EIF4E2: variants seen among roughly 807,000 people sequenced by gnomAD.
EIF4E2 encodes eukaryotic translation initiation factor 4E family member 2.
In EIF4E2, 13 loss-of-function variants were observed where a neutral mutation model predicts 34.2. The ratio of observed to expected loss-of-function variants is 0.38; its 90% CI spans 0.25 to 0.60. The LOEUF is 0.60. Among genes scored for constraint, EIF4E2 ranks in the 20% least tolerant of loss-of-function variants. The probability of loss-of-function intolerance (pLI) is 0.62; values close to 1 mark genes in which losing one functional copy is unlikely to be tolerated. For synonymous variants in EIF4E2, 100 were observed against 106.6 expected, an observed-to-expected ratio of 0.94 and a Z score of 0.38; for missense variants, 222 against 315.1, an observed-to-expected ratio of 0.70 and a Z score of 2.24.
At chr2:232,574,354 C>G (rs1038356640) in intron 6 of EIF4E2, 13 of 1,550,270 alleles carry the variant, frequency 8.4e-6, no homozygotes, top group Non-Finnish European at 8.7e-6. Flanking sequence ...AGGGCCTTGT[C>G]TATCTTCTCT....
intron 3 of EIF4E2, among the ~76,000 whole-genome samples, chr2:232,559,680 A>C (rs1692651668): frequency 6.6e-6 from 1 of 152,124 alleles, no homozygotes; most frequent in Admixed American, 6.5e-5. Flanking sequence ...ACGGTGGCTC[A>C]TGCCTGTAAT....
downstream of EIF4E2, among the ~76,000 whole-genome samples, chr2:232,573,272 C>T (rs1693133977): frequency 6.6e-6 from 1 of 152,210 alleles, no homozygotes; most frequent in South Asian, 2.1e-4. Context: ...ATGGTTAACT[C>T]ATAAATGTAG....
At chr2:232,568,318 G>A (rs1693005598) in intron 6 of EIF4E2, 1 of 985,302 alleles carries the variant, frequency 1.0e-6, no homozygotes, top group Non-Finnish European at 1.2e-6. Context: ...CAGTTTTTAA[G>A]TGGGAACACT....
chr2:232,575,070 C>T (rs963634617), intron 6 of EIF4E2, among the ~76,000 whole-genome samples: 1 of 152,206 alleles, frequency 6.6e-6, no homozygotes, highest in Non-Finnish European at 1.5e-5. Flanking sequence ...TCTGCATGAG[C>T]TAGAGATGAC....
chr2:232,558,451 A>C (rs1303774378), intron 3 of EIF4E2: 1 of 152,710 alleles, frequency 6.5e-6, no homozygotes, highest in African/African-American at 2.4e-5. Flanking sequence ...CGCCCAGCTA[A>C]TTTTTGTATT....
At chr2:232,575,623 A>G (rs573847019) in intron 6 of EIF4E2, among the ~76,000 whole-genome samples, 1 of 152,310 alleles carries the variant, frequency 6.6e-6, no homozygotes, top group Admixed American at 6.5e-5. Context: ...ATGTGTGCAT[A>G]TATATAAGTG....
At chr2:232,572,627 G>A (rs1017291131), downstream of EIF4E2, among the ~76,000 whole-genome samples, 9 of 152,174 alleles carry the variant, frequency 5.9e-5, no homozygotes, top group African/African-American at 1.4e-4. Flanking sequence ...TCAGCCTCCC[G>A]AAGTGATTAC....
intron 3 of EIF4E2, among the ~76,000 whole-genome samples, chr2:232,559,266 T>C (rs1485958204): frequency 1.3e-5 from 2 of 151,108 alleles, no homozygotes; most frequent in African/African-American, 4.9e-5. Context: ...GCTAGATATA[T>C]TATATGGAAT....
At position 232,551,843 on chromosome 2, in the gene EIF4E2, A is replaced by T. The variant is rs145654321; in HGVS notation, c.20+1099A>T. ...GGGAATACTGGATTTCCAACACTCC[A>T]GGCAGGTAGGTCCTCAGGAATGTTT... On this transcript the variant is annotated intron_variant, in intron 1 of 6. Transcript: ENST00000258416. Among the ~76,000 whole-genome samples, 68 of 152,312 alleles carry T rather than the reference A, an allele frequency of 4.5e-4. 1 individual carries two copies. The East Asian group carries it at 9.3e-3, about 21-fold the overall frequency.
At chr2:232,555,786 T>G (rs182119294) in intron 1 of EIF4E2, among the ~76,000 whole-genome samples, 22 of 152,328 alleles carry the variant, frequency 1.4e-4, no homozygotes, top group African/African-American at 4.8e-4. Context: ...TTCTAGAGGA[T>G]CTTACATTTT....
Position 232,557,952 on chromosome 2 carries a change from C to G in EIF4E2, c.204C>G (p.Thr68=), listed in dbSNP as rs760669411. Residue 68 remains threonine (T), a synonymous_variant, in exon 3 of 7, where the codon ACC becomes ACG. Transcript: ENST00000258416. ...YNYTFWYSRR[T]PGRPTSSQSY... ...ACACTTTTTGGTACTCCAGGAGAAC[C>G]CCCGGCCGTCCCACGAGCTCACAGA... is the stretch of plus-strand genomic sequence containing the variant. 5 of 1,614,000 alleles carry G rather than the reference C, an allele frequency of 3.1e-6. No homozygotes were observed. The African/African-American group carries it at 4.0e-5, about 13-fold the overall frequency.
At chr2:232,568,390 T>C in intron 6 of EIF4E2, 2 of 985,428 alleles carry the variant, frequency 2.0e-6, no homozygotes, top group Non-Finnish European at 2.4e-6. Flanking sequence ...CGAACAGTTA[T>C]TAGCCAGCCA....
intron 6 of EIF4E2, among the ~76,000 whole-genome samples, chr2:232,580,262 T>G (rs746509840): frequency 3.3e-4 from 51 of 152,284 alleles, no homozygotes; most frequent in African/African-American, 9.9e-4. Context: ...TTGGTTGGTT[T>G]GTTGGTTGGT....
chr2:232,557,668 C>A, intron 2 of EIF4E2: 2 of 562,220 alleles, frequency 3.6e-6, no homozygotes, highest in Non-Finnish European at 6.3e-6. Flanking sequence ...TTACAAAGGC[C>A]ATAAGAACAC....
At chr2:232,558,207 T>C in intron 3 of EIF4E2, 189 bp downstream of exon 3, 1 of 599,172 alleles carries the variant, frequency 1.7e-6, no homozygotes, top group Non-Finnish European at 2.8e-6. Flanking sequence ...AGCATGTAGG[T>C]ATCAACAAAT....
chr2:232,556,592 A>G (rs1692533709), intron 2 of EIF4E2, 62 bp downstream of exon 2: 8 of 1,191,226 alleles, frequency 6.7e-6, no homozygotes, highest in Middle Eastern at 3.8e-4. Context: ...ATCTTGTGGA[A>G]TCTGTTTATC....
chr2:232,551,285 C>T, intron 1 of EIF4E2: 1 of 471,756 alleles, frequency 2.1e-6, no homozygotes, highest in South Asian at 1.5e-5. Context: ...GAGACTCTTC[C>T]TACTTTCTTT....
At chr2:232,567,348 G>A in intron 6 of EIF4E2, 134 bp downstream of exon 6, 1 of 1,473,534 alleles carries the variant, frequency 6.8e-7, no homozygotes, top group South Asian at 1.4e-5. Flanking sequence ...TCCCTCTAGG[G>A]CTTCTGGCTA....
At chr2:232,568,199 G>A in intron 6 of EIF4E2, 8 of 985,260 alleles carry the variant, frequency 8.1e-6, no homozygotes, top group Non-Finnish European at 9.6e-6. Flanking sequence ...ATTATTGAAG[G>A]CTAGTAGTGA....
Sources: allele counts gnomAD v4.1 joint callset (sites outside exome capture counted in the v4.1 genomes callset), GRCh38; gene constraint gnomAD v4.1.1; transcripts MANE v1.5; gene names NCBI Gene and HGNC (gene_info 2026-07-23, HGNC 2026-07-21).